The following AKR1B1 variants were observed in gnomAD, a reference collection of about 807,000 sequenced individuals.
AKR1B1 encodes the protein aldo-keto reductase family 1 member B.
Under a neutral mutation model 40.4 loss-of-function variants are expected in AKR1B1, and 22 were observed. That is an observed-to-expected ratio of 0.54 (90% confidence interval 0.39 to 0.78). The LOEUF (loss-of-function observed/expected upper bound fraction) is 0.78, where lower values mean the gene tolerates loss of function less well. AKR1B1 is among the 30% of genes least tolerant of loss of function. The probability of loss-of-function intolerance (pLI) is 0.00; values close to 1 mark genes in which losing one functional copy is unlikely to be tolerated. For missense variants in AKR1B1, 357 were observed against 396.7 expected, an observed-to-expected ratio of 0.90 and a Z score of 0.85; for synonymous variants, 157 against 149.9, an observed-to-expected ratio of 1.05 and a Z score of -0.35.
upstream of AKR1B1, chr7:134,459,198 G>A: frequency 8.9e-7 from 1 of 1,123,782 alleles, no homozygotes; most frequent in Non-Finnish European, 1.3e-6. Context: ...CTTCTGATTG[G>A]TTGCGCTGGG....
intron 1 of AKR1B1, among the ~76,000 whole-genome samples, chr7:134,452,755 G>A (rs1002546940): frequency 2.9e-4 from 44 of 152,136 alleles, no homozygotes; most frequent in Non-Finnish European, 1.5e-5. Flanking sequence ...AACCCCCCAG[G>A]GCCATAGCAG....
At chr7:134,446,199 TG>T (rs1217885907) in intron 8 of AKR1B1, among the ~76,000 whole-genome samples, 9 of 152,274 alleles carry the variant, frequency 5.9e-5, no homozygotes, top group African/African-American at 2.2e-4. Context: ...GATGCATCTC[TG>T]GTGGGATATG....
rs1395448149 is a variant in AKR1B1 at position 134,449,379 on chromosome 7, G to A, written c.430-260C>T. The A allele has an allele frequency of 3.9e-5, 22 of 570,522 alleles. No individual in the cohort carries two copies. In the East Asian group the frequency reaches 4.3e-4, roughly 11 times the overall value. 35.3% of individuals were successfully genotyped at this position (570,522 alleles called of 1,614,324 possible). On this transcript the variant is annotated intron_variant, in intron 4 of 9. Transcript: ENST00000285930. ...AGGCGGGCGGATCACGAGGTCAGGA[G>A]ATCAAGACCATCCTGGCTAACACGG...
chr7:134,457,682 A>G (rs1806513505), intron 1 of AKR1B1, among the ~76,000 whole-genome samples: 1 of 152,108 alleles, frequency 6.6e-6, no homozygotes, highest in Non-Finnish European at 1.5e-5. Context: ...TAAATATCCA[A>G]CGCCCAGGCC....
At chr7:134,448,968 C>T in intron 5 of AKR1B1, 29 bp downstream of exon 5, 1 of 1,613,850 alleles carries the variant, frequency 6.2e-7, no homozygotes, top group Non-Finnish European at 8.5e-7. Flanking sequence ...AGCAACGTTG[C>T]AATGCCAGTG....
chr7:134,448,490 C>T lies in AKR1B1; in HGVS notation c.556G>A (p.Glu186Lys). Residue 186 changes from glutamate (E) to lysine (K), a missense_variant, in exon 6 of 10, where the codon GAG becomes AAG. Glu to Lys is a moderately conservative substitution (Grantham distance 56). Coordinates refer to ENST00000285930, the MANE Select transcript of AKR1B1 (RefSeq NM_001628.4). Reference protein sequence around the residue: ...LKYKPAVNQIECHPYLTQEKL... With the variant: ...LKYKPAVNQIKCHPYLTQEKL... ...TCCTGAGTGAGATATGGGTGGCACTCAATCTGCAAATGCAAAAACAAGAGC... is the reference window on the plus strand; with the variant it reads ...TCCTGAGTGAGATATGGGTGGCACTTAATCTGCAAATGCAAAAACAAGAGC... The T allele has an allele frequency of 6.2e-7, 1 of 1,613,456 alleles. No homozygotes were observed. The highest frequency in any genetic ancestry group is 8.5e-7 in the Non-Finnish European group (1 of 1,179,428).
Position 134,442,640 on chromosome 7 carries a change from G to T in AKR1B1, c.*88C>A. ...ACAGGTTGCTGTCCCACTGCTGAGT[G>T]ACACAGGCCATACTACATTTGCAAG... On this transcript the variant is annotated 3_prime_UTR_variant, in exon 10 of 10. Transcript: ENST00000285930. The T allele has an allele frequency of 7.2e-7, 1 of 1,382,300 alleles. No individual in the cohort carries two copies. The highest frequency in any genetic ancestry group is 1.0e-6 in the Non-Finnish European group (1 of 976,888). 85.6% of individuals were successfully genotyped at this position (1,382,300 alleles called of 1,614,324 possible). A position where few individuals can be genotyped will look rare whatever the true frequency, so the allele number is the denominator to read the frequency against.
intron 1 of AKR1B1, among the ~76,000 whole-genome samples, chr7:134,454,049 G>A (rs1806386298): frequency 6.6e-6 from 1 of 152,164 alleles, no homozygotes; most frequent in Non-Finnish European, 1.5e-5. Context: ...ATGAAAACAT[G>A]CTGGGTGGCA....
Position 134,457,439 on chromosome 7 carries a change from G to C in AKR1B1, c.66+1558C>G, listed in dbSNP as rs533602197. 3.3e-5 allele frequency among the ~76,000 whole-genome samples: 5 copies of C among 152,302 alleles called. No individual in the cohort carries two copies. In the East Asian group the frequency reaches 7.7e-4, roughly 24 times the overall value. ...TGGAAATTAGCTTGGTGTCATGGTT[G>C]TAATTCAATTACAACCTTAGAGACA... On this transcript the variant is annotated intron_variant, in intron 1 of 9. Transcript: ENST00000285930.
At chr7:134,446,457 G>T (rs1315502050) in intron 8 of AKR1B1, among the ~76,000 whole-genome samples, 1 of 152,244 alleles carries the variant, frequency 6.6e-6, no homozygotes, top group East Asian at 1.9e-4. Context: ...CAGGCCCATG[G>T]CTGTGCTGCG....
chr7:134,449,312 C>CACG, intron 4 of AKR1B1, 193 bp from the exon 5 acceptor site: 1 of 763,556 alleles, frequency 1.3e-6, no homozygotes, highest in East Asian at 2.7e-5. Context: ...ACAGGCCGGG[C>CACG]GCGGTGGCTC....
intron 7 of AKR1B1, 189 bp from the exon 8 acceptor site, chr7:134,447,570 G>A: frequency 1.5e-6 from 1 of 672,920 alleles, no homozygotes; most frequent in Non-Finnish European, 2.7e-6. Context: ...TCTGACTCCA[G>A]AGTCCTGCGC....
chr7:134,450,724 A>T, intron 3 of AKR1B1, 62 bp downstream of exon 3: 1 of 1,343,388 alleles, frequency 7.4e-7, no homozygotes, highest in Non-Finnish European at 1.1e-6. Context: ...AAGGGAGCTC[A>T]AAACACACCA....
intron 5 of AKR1B1, among the ~76,000 whole-genome samples, 184 bp downstream of exon 5, chr7:134,448,812 CT>C (rs1188014011): frequency 6.6e-6 from 1 of 152,156 alleles, no homozygotes; most frequent in Non-Finnish European, 1.5e-5. Flanking sequence ...GGCTCAAACT[CT>C]TTCTTTCCTG....
chr7:134,453,360 A>C (rs1354452463), intron 1 of AKR1B1, among the ~76,000 whole-genome samples: 20 of 152,168 alleles, frequency 1.3e-4, no homozygotes, highest in Admixed American at 1.3e-3. Flanking sequence ...GGAACCCCTG[A>C]GTCCAGCCCC....
chr7:134,442,777 G>A lies in AKR1B1; in HGVS notation c.909-7C>T. ...ATCCTTGTGGGAGGTACAGCTGTCA[G>A]GAGAAAGGAGAAAACAGTTGCTTTT... is the stretch of plus-strand genomic sequence containing the variant. On this transcript the variant is annotated splice_polypyrimidine_tract_variant and splice_region_variant and intron_variant, in intron 9 of 9. Coordinates refer to ENST00000285930, the MANE Select transcript of AKR1B1 (RefSeq NM_001628.4). 2 of 1,613,964 alleles carry A rather than the reference G, an allele frequency of 1.2e-6. No individual in the cohort carries two copies. The highest frequency in any genetic ancestry group is 1.7e-6 in the Non-Finnish European group (2 of 1,179,864).
intron 9 of AKR1B1, among the ~76,000 whole-genome samples, chr7:134,443,954 A>ACT (rs1806018398): frequency 6.6e-6 from 1 of 152,134 alleles, no homozygotes; most frequent in Non-Finnish European, 1.5e-5. Flanking sequence ...CAACAGGATA[A>ACT]TCGAACAGAA....
chr7:134,443,545 C>A (rs1360957556), intron 9 of AKR1B1, among the ~76,000 whole-genome samples: 1 of 151,672 alleles, frequency 6.6e-6, no homozygotes, highest in Admixed American at 6.6e-5. Context: ...AATCAACGGT[C>A]GGCGATTTTA....
chr7:134,459,239 C>G (rs888138679), upstream of AKR1B1: 3 of 710,994 alleles, frequency 4.2e-6, no homozygotes, highest in South Asian at 5.3e-5. Flanking sequence ...CAAGGGTCGG[C>G]GGGGATGCTT....
Sources: gnomAD v4.1 joint callset for allele counts (sites outside exome capture counted in the v4.1 genomes callset) on GRCh38, gnomAD v4.1.1 for gene constraint, MANE v1.5 for transcripts, NCBI Gene and HGNC (gene_info 2026-07-23, HGNC 2026-07-21) for gene names.